The following ANO3 variants were observed in gnomAD, a reference collection of about 807,000 sequenced individuals.
ANO3 encodes anoctamin 3.
In ANO3, 99 loss-of-function variants were observed where a neutral mutation model predicts 144.8. That is an observed-to-expected ratio of 0.68 (90% CI 0.58 to 0.81). The LOEUF is 0.81. Ranked by LOEUF, ANO3 falls within the 30% of genes least tolerant of loss-of-function variation. The probability of loss-of-function intolerance (pLI) is 0.00; values close to 1 mark genes in which losing one functional copy is unlikely to be tolerated. For missense variants in ANO3, 905 were observed against 1,202.2 expected, an observed-to-expected ratio of 0.75 and a Z score of 3.66; for synonymous variants, 414 against 392.6, an observed-to-expected ratio of 1.05 and a Z score of -0.64.
chr11:26,241,558 T>C (rs543353414), intron 1 of ANO3, among the ~76,000 whole-genome samples: 2 of 152,204 alleles, frequency 1.3e-5, no homozygotes, highest in Non-Finnish European at 2.9e-5. Flanking sequence ...GACACATTTC[T>C]GCCTTTAAAG....
At chr11:26,603,499 A>T (rs1029582664) in intron 17 of ANO3, among the ~76,000 whole-genome samples, 2 of 152,090 alleles carry the variant, frequency 1.3e-5, no homozygotes, top group Admixed American at 6.5e-5. Flanking sequence ...AGTAGATATT[A>T]AAAAAGAGAC....
intron 20 of ANO3, among the ~76,000 whole-genome samples, chr11:26,637,001 G>T (rs4582926): frequency 7.2e-5 from 11 of 152,084 alleles, no homozygotes; most frequent in Non-Finnish European, 1.3e-4. Context: ...ATATGATTTG[G>T]GTGGTGCAAT....
chr11:26,331,289 G>GT (rs1255916821), upstream of ANO3: 1 of 152,164 alleles, frequency 6.6e-6, no homozygotes, highest in African/African-American at 2.4e-5. Flanking sequence ...GTTTACCTAT[G>GT]TAACAAACCT....
chr11:26,263,813 T>C (rs1170495585), intron 1 of ANO3, among the ~76,000 whole-genome samples: 1 of 152,194 alleles, frequency 6.6e-6, no homozygotes, highest in Admixed American at 6.5e-5. Flanking sequence ...ATTGAAATAA[T>C]AGCAAATGCA....
intron 1 of ANO3, among the ~76,000 whole-genome samples, chr11:26,365,973 TATATATATATATATATATA>T (rs1201161984): frequency 0.016 from 879 of 53,426 alleles, 29 homozygotes; most frequent in East Asian, 0.032. Flanking sequence ...TATATATATA[TATATATATATATATATATA>T]TATATATATA....
intron 1 of ANO3, among the ~76,000 whole-genome samples, chr11:26,275,467 A>G (rs1026316146): frequency 6.6e-6 from 1 of 152,086 alleles, no homozygotes; most frequent in African/African-American, 2.4e-5. Context: ...CCTTCTTTTG[A>G]CTAAATGCTG....
chr11:26,505,759 C>T (rs960172340), intron 4 of ANO3, among the ~76,000 whole-genome samples: 7 of 151,792 alleles, frequency 4.6e-5, no homozygotes, highest in African/African-American at 1.7e-4. Context: ...GATCACGAGG[C>T]CAGGAGATCG....
chr11:26,214,848 G>C (rs555124331), intron 1 of ANO3, among the ~76,000 whole-genome samples: 16 of 151,996 alleles, frequency 1.1e-4, no homozygotes, highest in Admixed American at 8.5e-4. Context: ...TAGTTGCCAT[G>C]ATTCTCTTGG....
chr11:26,455,375 G>A (rs1247960913), intron 3 of ANO3, among the ~76,000 whole-genome samples: 1 of 151,390 alleles, frequency 6.6e-6, no homozygotes, highest in African/African-American at 2.4e-5. Context: ...CTTCAGCAAA[G>A]TCTCAGGATA....
intron 1 of ANO3, among the ~76,000 whole-genome samples, chr11:26,411,161 A>T (rs1310414651): frequency 6.6e-6 from 1 of 151,990 alleles, no homozygotes; most frequent in Non-Finnish European, 1.5e-5. Context: ...TTATCTAGTC[A>T]TTTGCTTACT....
At chr11:26,512,064 T>C (rs1590439570) in intron 5 of ANO3, among the ~76,000 whole-genome samples, 1 of 152,262 alleles carries the variant, frequency 6.6e-6, no homozygotes, top group African/African-American at 2.4e-5. Flanking sequence ...AAAAAATAAA[T>C]TTGGATTACT....
At chr11:26,429,264 A>G (rs1158725994) in intron 1 of ANO3, among the ~76,000 whole-genome samples, 1 of 152,212 alleles carries the variant, frequency 6.6e-6, no homozygotes, top group Non-Finnish European at 1.5e-5. Context: ...GAACCTGTCC[A>G]GCAAACACAC....
At chr11:26,402,839 T>C (rs578192243) in intron 1 of ANO3, among the ~76,000 whole-genome samples, 1 of 152,004 alleles carries the variant, frequency 6.6e-6, no homozygotes, top group African/African-American at 2.4e-5. Context: ...AAACCTGTAC[T>C]TGTAAAGCTG....
chr11:26,650,221 G>A (rs950993082), intron 24 of ANO3, among the ~76,000 whole-genome samples: 3 of 122,380 alleles, frequency 2.5e-5, no homozygotes, highest in Non-Finnish European at 5.7e-5. Context: ...GAAATTTTCG[G>A]AGCAAGGTGG....
chr11:26,218,099 G>A (rs1341043327), intron 1 of ANO3, among the ~76,000 whole-genome samples: 2 of 152,096 alleles, frequency 1.3e-5, no homozygotes, highest in Non-Finnish European at 2.9e-5. Flanking sequence ...TTCATTTTCA[G>A]TAAGTGAGGT....
At position 26,553,229 on chromosome 11, in the gene ANO3, TG is replaced by T. The variant is rs371643222; in HGVS notation, c.1290-19del. The T allele has an allele frequency of 9.5e-3, 12,512 of 1,319,818 alleles. 671 individuals are homozygous for T. In the African/African-American group the frequency reaches 0.11, roughly 12 times the overall value. The allele number at this position is 1,319,818 out of a possible 1,614,324, so 81.8% of individuals were successfully genotyped here. A position where few individuals can be genotyped will look rare whatever the true frequency, so the allele number is the denominator to read the frequency against. ...TTCATGCTATGTTTTGTTTTGTTTT[TG>T]TTTTTGTTTTTTCTCAAGCCAAGAA... On this transcript the variant is annotated intron_variant, in intron 12 of 26. Coordinates refer to ENST00000256737, the MANE Select transcript of ANO3 (RefSeq NM_031418.4).
At chr11:26,240,330 C>A (rs944561491) in intron 1 of ANO3, among the ~76,000 whole-genome samples, 1 of 152,080 alleles carries the variant, frequency 6.6e-6, no homozygotes, top group African/African-American at 2.4e-5. Context: ...CATAAAATTG[C>A]AATTAAAGTA....
chr11:26,218,127 C>T (rs1056163310), intron 1 of ANO3, among the ~76,000 whole-genome samples: 1 of 151,966 alleles, frequency 6.6e-6, no homozygotes, highest in Non-Finnish European at 1.5e-5. Flanking sequence ...TTTTAGTGCA[C>T]AATATTTAAT....
chr11:26,279,634 G>A (rs1410832710), intron 1 of ANO3, among the ~76,000 whole-genome samples: 1 of 152,134 alleles, frequency 6.6e-6, no homozygotes, highest in Non-Finnish European at 1.5e-5. Flanking sequence ...TCTGTTTCAA[G>A]TCAAATCAAG....
Sources: allele counts gnomAD v4.1 joint callset (sites outside exome capture counted in the v4.1 genomes callset), GRCh38; gene constraint gnomAD v4.1.1; transcripts MANE v1.5; gene names NCBI Gene and HGNC (gene_info 2026-07-23, HGNC 2026-07-21).